The following CDK6 variants were observed in gnomAD, a reference collection of about 807,000 sequenced individuals.
CDK6 encodes the protein cyclin-dependent kinase 6.
A neutral mutation model predicts 37.1 loss-of-function variants in CDK6; 6 were observed. The ratio of observed to expected loss-of-function variants is 0.16; its 90% CI spans 0.09 to 0.32. The LOEUF (loss-of-function observed/expected upper bound fraction) is 0.32, where lower values mean the gene tolerates loss of function less well. Ranked by LOEUF, CDK6 falls within the 10% of genes least tolerant of loss-of-function variation. The probability of loss-of-function intolerance (pLI) is 1.00; values close to 1 mark genes in which losing one functional copy is unlikely to be tolerated. For synonymous variants in CDK6, 160 were observed against 161.3 expected (o/e 0.99, Z 0.06); for missense variants, 224 against 418.9 (o/e 0.53, Z 4.06).
intron 5 of CDK6, among the ~76,000 whole-genome samples, chr7:92,642,019 C>T (rs1449872811): frequency 2.6e-5 from 4 of 152,122 alleles, no homozygotes; most frequent in African/African-American, 9.7e-5. Context: ...GAGTTTCTTC[C>T]TGCTGACTGT....
chr7:92,612,643 A>G lies in CDK6; in HGVS notation c.*2497T>C, dbSNP rs1795586990. On this transcript the variant is annotated 3_prime_UTR_variant, in exon 8 of 8. Coordinates refer to ENST00000424848, the MANE Select transcript of CDK6 (RefSeq NM_001145306.2). ...TTGAATGCCAGAATGTTTGTGCTTTAATTTTTCTTCATAAGCACTGCCTAG... is the reference window on the plus strand; with the variant it reads ...TTGAATGCCAGAATGTTTGTGCTTTGATTTTTCTTCATAAGCACTGCCTAG... The G allele has an allele frequency of 4.3e-6, 1 of 233,054 alleles. No individual in the cohort carries two copies. Among genetic ancestry groups the G allele is most frequent in the Admixed American group, 5.6e-5 (1 of 17,778 alleles). 14.4% of individuals were successfully genotyped at this position (233,054 alleles called of 1,614,324 possible).
intron 5 of CDK6, among the ~76,000 whole-genome samples, chr7:92,628,992 A>C (rs991850041): frequency 2.6e-5 from 4 of 152,086 alleles, no homozygotes; most frequent in Admixed American, 1.3e-4. Flanking sequence ...AAAACGGTAT[A>C]GGATTAAGGA....
In CDK6 at chr7:92,716,801, T is replaced by C. The variant is rs202183632; in HGVS notation, c.537+8825A>G. The stretch of plus-strand genomic sequence containing the variant: ...ACACTTGCGTTGAGTTAAGCAAATT[T>C]AGGGGAGATGGAATTATCTCATTAA... On this transcript the variant is annotated intron_variant, in intron 4 of 7. Coordinates refer to ENST00000424848, the MANE Select transcript of CDK6 (RefSeq NM_001145306.2). 3.3e-5 allele frequency among the ~76,000 whole-genome samples: 5 copies of C among 152,194 alleles called. No individual in the cohort carries two copies. The East Asian group carries it at 9.6e-4, about 29-fold the overall frequency.
intron 2 of CDK6, among the ~76,000 whole-genome samples, chr7:92,787,661 G>T (rs1455345787): frequency 6.6e-6 from 1 of 151,930 alleles, no homozygotes; most frequent in Non-Finnish European, 1.5e-5. Flanking sequence ...CTCCCAATAT[G>T]GAGTGACTCT....
chr7:92,778,281 A>G (rs1799898936), intron 2 of CDK6, among the ~76,000 whole-genome samples: 1 of 152,120 alleles, frequency 6.6e-6, no homozygotes. Flanking sequence ...ATTAACCAGA[A>G]TCCATTGAAA....
chr7:92,649,897 C>G (rs998538713), intron 5 of CDK6, among the ~76,000 whole-genome samples: 2 of 152,322 alleles, frequency 1.3e-5, no homozygotes, highest in African/African-American at 4.8e-5. Context: ...AGGTAAGTAG[C>G]CTTCAGAGCT....
At chr7:92,633,396 G>A (rs1280200998) in intron 5 of CDK6, among the ~76,000 whole-genome samples, 2 of 152,028 alleles carry the variant, frequency 1.3e-5, no homozygotes, top group African/African-American at 4.8e-5. Flanking sequence ...ATATTTGAAG[G>A]ATGCAATTTT....
intron 2 of CDK6, among the ~76,000 whole-genome samples, chr7:92,815,549 AG>A (rs1801007398): frequency 6.6e-6 from 1 of 152,186 alleles, no homozygotes; most frequent in African/African-American, 2.4e-5. Flanking sequence ...GATCCCTGAG[AG>A]AGGGGAAGCA....
intron 3 of CDK6, among the ~76,000 whole-genome samples, chr7:92,740,427 C>A (rs1442439154): frequency 6.6e-6 from 1 of 152,174 alleles, no homozygotes; most frequent in East Asian, 1.9e-4. Flanking sequence ...CTTACAGGCA[C>A]AGGTTATGTG....
At chr7:92,797,212 A>G (rs577399916) in intron 2 of CDK6, among the ~76,000 whole-genome samples, 1 of 152,252 alleles carries the variant, frequency 6.6e-6, no homozygotes, top group African/African-American at 2.4e-5. Context: ...CCAGAGCTTG[A>G]GGCTATCAGA....
At chr7:92,757,841 G>A (rs1799353611) in intron 3 of CDK6, among the ~76,000 whole-genome samples, 1 of 152,124 alleles carries the variant, frequency 6.6e-6, no homozygotes, top group Non-Finnish European at 1.5e-5. Context: ...TTTAATAATA[G>A]CCATTCTGAC....
At chr7:92,768,326 A>G (rs531867812) in intron 3 of CDK6, among the ~76,000 whole-genome samples, 2 of 152,344 alleles carry the variant, frequency 1.3e-5, no homozygotes, top group South Asian at 4.1e-4. Context: ...AACTATTTTA[A>G]GTCAAATTGC....
chr7:92,809,749 A>T (rs1282855466), intron 2 of CDK6, among the ~76,000 whole-genome samples: 1 of 152,236 alleles, frequency 6.6e-6, no homozygotes, highest in Admixed American at 6.5e-5. Context: ...TTAACTAATT[A>T]AAAACAGAAA....
chr7:92,767,714 TA>T (rs913941850), intron 3 of CDK6, among the ~76,000 whole-genome samples: 21 of 151,160 alleles, frequency 1.4e-4, no homozygotes, highest in African/African-American at 4.9e-4. Flanking sequence ...GTATAGTCTT[TA>T]AAAAAAAACC....
intron 4 of CDK6, among the ~76,000 whole-genome samples, chr7:92,685,651 C>T (rs1585398210): frequency 6.6e-6 from 1 of 152,098 alleles, no homozygotes; most frequent in East Asian, 1.9e-4. Flanking sequence ...ACAGACTGGA[C>T]TAAAAGTTAA....
intron 5 of CDK6, among the ~76,000 whole-genome samples, chr7:92,629,399 GAA>G (rs1796003155): frequency 6.8e-6 from 1 of 146,984 alleles, no homozygotes; most frequent in Non-Finnish European, 1.5e-5. Flanking sequence ...TTCCTCTAGA[GAA>G]AGAGATGGAG....
chr7:92,696,418 G>T (rs766788078), intron 4 of CDK6, among the ~76,000 whole-genome samples: 4 of 152,114 alleles, frequency 2.6e-5, no homozygotes, highest in Non-Finnish European at 5.9e-5. Flanking sequence ...CACGGGGAAA[G>T]AATTAATAAT....
intron 2 of CDK6, among the ~76,000 whole-genome samples, chr7:92,830,517 A>C (rs1318665868): frequency 1.3e-5 from 2 of 152,196 alleles, no homozygotes; most frequent in Non-Finnish European, 2.9e-5. Flanking sequence ...CAGGGGCAAT[A>C]GTAAATCACA....
At chr7:92,727,593 G>A (rs189657524) in intron 3 of CDK6, among the ~76,000 whole-genome samples, 179 of 152,212 alleles carry the variant, frequency 1.2e-3, no homozygotes, top group Non-Finnish European at 2.1e-3. Flanking sequence ...TGATTTCTGG[G>A]GGAGACTGAT....
Sources: gnomAD v4.1 joint callset for allele counts (sites outside exome capture counted in the v4.1 genomes callset) on GRCh38, gnomAD v4.1.1 for gene constraint, MANE v1.5 for transcripts, NCBI Gene and HGNC (gene_info 2026-07-23, HGNC 2026-07-21) for gene names.